The following DSCAM variants were observed in gnomAD, a reference collection of about 807,000 sequenced individuals.
DSCAM encodes DS cell adhesion molecule.
DSCAM carries 47 observed loss-of-function variants against 217.7 expected under a neutral mutation model. The observed-to-expected ratio is 0.22, with a 90% CI of 0.17 to 0.28. The LOEUF is 0.28. Ranked by LOEUF, DSCAM falls within the 10% of genes least tolerant of loss-of-function variation. The pLI is 1.00. For missense variants in DSCAM, 2,080 were observed against 2,618.3 expected (o/e 0.79, Z 4.49); for synonymous variants, 1,056 against 1,015.3 (o/e 1.04, Z -0.76).
intron 9 of DSCAM, among the ~76,000 whole-genome samples, chr21:40,305,740 T>C (rs1280212208): frequency 6.6e-6 from 1 of 152,166 alleles, no homozygotes; most frequent in African/African-American, 2.4e-5. Flanking sequence ...TTGTCAAAGA[T>C]CAGACAGTTG....
intron 3 of DSCAM, among the ~76,000 whole-genome samples, chr21:40,675,382 ATGTAT>A: frequency 1.9e-5 from 2 of 107,466 alleles, no homozygotes; most frequent in Non-Finnish European, 4.0e-5. Context: ...ACACAGTGAA[ATGTAT>A]ACTTGGGCCT....
rs1269507838 is a variant in DSCAM, at chr21:40,015,550, C to G, written c.5687-2164G>C. Among the ~76,000 whole-genome samples, 3 of 152,118 alleles carry G rather than the reference C, an allele frequency of 2.0e-5. No homozygotes were observed. In the South Asian group the frequency reaches 6.2e-4, roughly 32 times the overall value. The stretch of plus-strand genomic sequence containing the variant: ...GCTCAAGCAAACCTTCCACCTCAGC[C>G]TCCAGAGTAGCTAGGGCTACAGTTA... On this transcript the variant is annotated intron_variant, in intron 32 of 32. Transcript: ENST00000400454.
chr21:40,448,747 T>C (rs1047030889), intron 3 of DSCAM, among the ~76,000 whole-genome samples: 2 of 152,170 alleles, frequency 1.3e-5, no homozygotes, highest in African/African-American at 2.4e-5. Context: ...TTTAGGAGTA[T>C]ATTCTCACAA....
At chr21:40,075,240 G>A in intron 26 of DSCAM, 27 bp from the exon 27 acceptor site, 1 of 1,612,946 alleles carries the variant, frequency 6.2e-7, no homozygotes, top group East Asian at 2.2e-5. Flanking sequence ...GGTGTTAGAT[G>A]GCTATTAATG....
chr21:40,775,359 G>A (rs1036147650), intron 1 of DSCAM, among the ~76,000 whole-genome samples: 1 of 152,098 alleles, frequency 6.6e-6, no homozygotes, highest in Admixed American at 6.6e-5. Context: ...AGAACTGAAG[G>A]AATACCTAGA....
intron 9 of DSCAM, among the ~76,000 whole-genome samples, chr21:40,307,303 A>G (rs1199062238): frequency 6.6e-6 from 1 of 152,184 alleles, no homozygotes; most frequent in Admixed American, 6.5e-5. Context: ...AAAAGAAGAC[A>G]TTTATGCAGC....
intron 3 of DSCAM, among the ~76,000 whole-genome samples, chr21:40,563,806 A>ATG (rs893049424): frequency 6.8e-6 from 1 of 147,898 alleles, no homozygotes; most frequent in African/African-American, 2.5e-5. Flanking sequence ...ATATAGTTAT[A>ATG]TGTGTATATA....
chr21:40,324,698 T>C (rs920665772), intron 8 of DSCAM, among the ~76,000 whole-genome samples: 1 of 152,208 alleles, frequency 6.6e-6, no homozygotes, highest in African/African-American at 2.4e-5. Flanking sequence ...ACAGGTTATG[T>C]TTCCCCTGGT....
chr21:40,158,752 A>C (rs2090506765), intron 16 of DSCAM, among the ~76,000 whole-genome samples: 1 of 152,262 alleles, frequency 6.6e-6, no homozygotes, highest in Non-Finnish European at 1.5e-5. Context: ...CAAAACAAGA[A>C]GGTAAAATGG....
At chr21:40,546,160 T>C (rs938413648) in intron 3 of DSCAM, among the ~76,000 whole-genome samples, 2 of 152,120 alleles carry the variant, frequency 1.3e-5, no homozygotes, top group African/African-American at 4.8e-5. Flanking sequence ...TTAAAGAGGG[T>C]TAAGGTGTAG....
intron 3 of DSCAM, among the ~76,000 whole-genome samples, chr21:40,470,351 C>T (rs928405319): frequency 6.6e-6 from 1 of 152,192 alleles, no homozygotes; most frequent in Non-Finnish European, 1.5e-5. Flanking sequence ...AACTGTATGC[C>T]ACGGAAACGT....
At chr21:40,207,386 T>A (rs2091137203) in intron 11 of DSCAM, among the ~76,000 whole-genome samples, 1 of 152,176 alleles carries the variant, frequency 6.6e-6, no homozygotes, top group African/African-American at 2.4e-5. Context: ...AGTCTTGCAA[T>A]GGAAATGTCT....
chr21:40,551,744 C>G (rs888764631), intron 3 of DSCAM, among the ~76,000 whole-genome samples: 3 of 152,094 alleles, frequency 2.0e-5, no homozygotes, highest in African/African-American at 7.2e-5. Flanking sequence ...AATTTGGTAT[C>G]TTATTGCTAT....
intron 3 of DSCAM, among the ~76,000 whole-genome samples, chr21:40,446,243 C>A (rs969513701): frequency 6.6e-6 from 1 of 152,126 alleles, no homozygotes; most frequent in Non-Finnish European, 1.5e-5. Context: ...ATTACATAGT[C>A]CAAATAATGG....
intron 21 of DSCAM, among the ~76,000 whole-genome samples, chr21:40,093,165 G>A (rs569451728): frequency 7.2e-5 from 11 of 152,274 alleles, no homozygotes; most frequent in East Asian, 3.9e-4. Context: ...AGAATACCCC[G>A]TGCCTGCGTG....
intron 3 of DSCAM, among the ~76,000 whole-genome samples, chr21:40,653,955 C>A (rs978790172): frequency 6.6e-6 from 1 of 151,896 alleles, no homozygotes; most frequent in African/African-American, 2.4e-5. Context: ...ACTAGCCAGG[C>A]ATTGTGGCGG....
At chr21:40,306,955 A>C (rs993998435) in intron 9 of DSCAM, among the ~76,000 whole-genome samples, 6 of 152,164 alleles carry the variant, frequency 3.9e-5, no homozygotes, top group African/African-American at 1.4e-4. Flanking sequence ...CGCTGGCCTC[A>C]TAAAATGAGT....
rs60730859 is a variant in DSCAM at position 40,818,547 on chromosome 21, C to CAAAAAAAA, written c.43+28064_43+28071dup. Among the ~76,000 whole-genome samples, 43 of 41,856 alleles carry CAAAAAAAA rather than the reference C, an allele frequency of 1.0e-3. 3 individuals are homozygous for CAAAAAAAA. Among genetic ancestry groups the CAAAAAAAA allele is most frequent in the Non-Finnish European group, 1.8e-3 (33 of 17,920 alleles). The allele number at this position is 41,856 out of a possible 152,430, so 27.5% of individuals were successfully genotyped here. On this transcript the variant is annotated intron_variant, in intron 1 of 32. Coordinates refer to ENST00000400454, the MANE Select transcript of DSCAM (RefSeq NM_001389.5). ...GGCTACACAGCCAGACTCCGTCTCA[C>CAAAAAAAA]AAAAAAAAAAAAAAAAAAAAAAAAA...
chr21:40,461,415 C>T (rs1301569122), intron 3 of DSCAM, among the ~76,000 whole-genome samples: 1 of 152,168 alleles, frequency 6.6e-6, no homozygotes, highest in Non-Finnish European at 1.5e-5. Context: ...AGCCCTGCCA[C>T]AAATACTGTG....
Sources: allele counts gnomAD v4.1 joint callset (sites outside exome capture counted in the v4.1 genomes callset), GRCh38; gene constraint gnomAD v4.1.1; transcripts MANE v1.5; gene names NCBI Gene and HGNC (gene_info 2026-07-23, HGNC 2026-07-21).